SPRED1: variants seen among roughly 807,000 people sequenced by gnomAD.
The protein encoded by SPRED1 is sprouty-related, EVH1 domain-containing protein 1.
Under a neutral mutation model 52.3 loss-of-function variants are expected in SPRED1, and 18 were observed. That is an observed-to-expected ratio of 0.34 (90% CI 0.24 to 0.51). SPRED1 has a LOEUF of 0.51. Among genes scored for constraint, SPRED1 ranks in the 20% least tolerant of loss-of-function variants. SPRED1 has a pLI of 0.97. For synonymous variants in SPRED1, 155 were observed against 179.7 expected (o/e 0.86, Z 1.10); for missense variants, 485 against 551.0 (o/e 0.88, Z 1.20).
chr15:38,275,906 T>A (rs948376029), intron 1 of SPRED1, among the ~76,000 whole-genome samples: 2 of 152,216 alleles, frequency 1.3e-5, no homozygotes, highest in African/African-American at 4.8e-5. Flanking sequence ...AACTTGGACC[T>A]TCTTATTGTG....
At chr15:38,305,457 T>G (rs1595736925) in intron 2 of SPRED1, among the ~76,000 whole-genome samples, 1 of 151,852 alleles carries the variant, frequency 6.6e-6, no homozygotes, top group East Asian at 1.9e-4. Context: ...TGGGAATATG[T>G]AAGTGAACAA....
At chr15:38,281,331 A>G (rs554377753) in intron 1 of SPRED1, among the ~76,000 whole-genome samples, 104 of 152,254 alleles carry the variant, frequency 6.8e-4, no homozygotes, top group African/African-American at 2.2e-3. Flanking sequence ...AAAAGGAGTA[A>G]GTATTGTGTA....
At chr15:38,342,164 C>G (rs1270383373) in intron 5 of SPRED1, among the ~76,000 whole-genome samples, 1 of 147,302 alleles carries the variant, frequency 6.8e-6, no homozygotes, top group East Asian at 2.0e-4. Context: ...TGTTTTTTTT[C>G]CTTCACTTTG....
intron 2 of SPRED1, among the ~76,000 whole-genome samples, chr15:38,302,240 A>C (rs1362213192): frequency 6.6e-6 from 1 of 152,180 alleles, no homozygotes; most frequent in Non-Finnish European, 1.5e-5. Context: ...AATACTGATA[A>C]CAATAGTGAA....
intron 2 of SPRED1, among the ~76,000 whole-genome samples, chr15:38,301,628 G>T (rs1420208524): frequency 1.3e-5 from 2 of 152,162 alleles, no homozygotes; most frequent in African/African-American, 2.4e-5. Flanking sequence ...GCGAAGTCTT[G>T]TGAAATCTCA....
At chr15:38,262,726 T>C (rs1182226358) in intron 1 of SPRED1, among the ~76,000 whole-genome samples, 1 of 152,176 alleles carries the variant, frequency 6.6e-6, no homozygotes, top group Non-Finnish European at 1.5e-5. Context: ...TGGAAATCAG[T>C]TTTTCTTGAA....
intron 1 of SPRED1, among the ~76,000 whole-genome samples, chr15:38,292,744 G>A (rs993965966): frequency 6.6e-6 from 1 of 152,138 alleles, no homozygotes; most frequent in East Asian, 1.9e-4. Context: ...GTTCAGATTT[G>A]GATGGGGGAC....
rs770128164 is a variant in SPRED1, at chr15:38,316,924, G to A, written c.208-5317G>A. 2.6e-5 allele frequency among the ~76,000 whole-genome samples: 4 copies of A among 151,148 alleles called. 1 individual carries two copies. Among genetic ancestry groups the A allele is most frequent in the Non-Finnish European group, 1.5e-5 (1 of 67,650 alleles). The stretch of plus-strand genomic sequence containing the variant: ...AGGGTTATTCGTGTCATATTATTTT[G>A]GCATCATATTCTTTATAGTTATTCT... On this transcript the variant is annotated intron_variant, in intron 2 of 6. Transcript: ENST00000299084.
At chr15:38,291,043 T>TA (rs1414395109) in intron 1 of SPRED1, among the ~76,000 whole-genome samples, 1 of 152,068 alleles carries the variant, frequency 6.6e-6, no homozygotes, top group Non-Finnish European at 1.5e-5. Context: ...TGTGAGCCTG[T>TA]AAAATCAAAA....
intron 1 of SPRED1, among the ~76,000 whole-genome samples, chr15:38,265,073 AG>A (rs1894281116): frequency 6.6e-6 from 1 of 152,226 alleles, no homozygotes; most frequent in South Asian, 2.1e-4. Context: ...TAATGTGGTT[AG>A]AGAAGCCCTT....
intron 1 of SPRED1, among the ~76,000 whole-genome samples, chr15:38,261,869 G>A (rs973468041): frequency 2.6e-5 from 4 of 152,254 alleles, no homozygotes; most frequent in Admixed American, 6.5e-5. Flanking sequence ...TTAGCATCCC[G>A]TGGCAGGATT....
chr15:38,313,795 A>G (rs1895416682), intron 2 of SPRED1, among the ~76,000 whole-genome samples: 1 of 151,776 alleles, frequency 6.6e-6, no homozygotes, highest in Admixed American at 6.6e-5. Flanking sequence ...TAAATTGGAC[A>G]TTGAGTTCAT....
chr15:38,297,277 C>T (rs906459069), intron 1 of SPRED1, among the ~76,000 whole-genome samples: 2 of 152,138 alleles, frequency 1.3e-5, no homozygotes, highest in African/African-American at 4.8e-5. Context: ...AATTGAGTTA[C>T]AGTTTAGGTT....
intron 1 of SPRED1, among the ~76,000 whole-genome samples, chr15:38,275,925 G>A (rs1026394340): frequency 1.3e-5 from 2 of 152,112 alleles, no homozygotes; most frequent in Non-Finnish European, 1.5e-5. Flanking sequence ...TGGAGTCTGG[G>A]TTCTTTCCAC....
chr15:38,312,838 C>G (rs1392398064), intron 2 of SPRED1, among the ~76,000 whole-genome samples: 1 of 151,772 alleles, frequency 6.6e-6, no homozygotes, highest in Non-Finnish European at 1.5e-5. Flanking sequence ...TTTTGTCCCT[C>G]TTTTTCTTCC....
chr15:38,292,818 G>T (rs1894952072), intron 1 of SPRED1, among the ~76,000 whole-genome samples: 1 of 152,272 alleles, frequency 6.6e-6, no homozygotes, highest in Non-Finnish European at 1.5e-5. Flanking sequence ...AGTTCTGAGA[G>T]GGAGCTGTCA....
chr15:38,261,167 G>A (rs78956703), intron 1 of SPRED1, among the ~76,000 whole-genome samples: 6,746 of 152,236 alleles, frequency 0.044, 220 homozygotes, highest in Middle Eastern at 0.12. Context: ...TTTAATCTCT[G>A]CCCATAATAA....
At chr15:38,334,371 G>A (rs1240326942) in intron 4 of SPRED1, among the ~76,000 whole-genome samples, 1 of 151,888 alleles carries the variant, frequency 6.6e-6, no homozygotes, top group Non-Finnish European at 1.5e-5. Context: ...AGTTGTATTG[G>A]TTATGTTCAC....
intron 1 of SPRED1, among the ~76,000 whole-genome samples, chr15:38,273,201 A>G (rs538672218): frequency 6.6e-6 from 1 of 152,332 alleles, no homozygotes; most frequent in Non-Finnish European, 1.5e-5. Context: ...TAATTTTTGT[A>G]TATGGCTGGG....
Sources: allele counts gnomAD v4.1 joint callset (sites outside exome capture counted in the v4.1 genomes callset), GRCh38; gene constraint gnomAD v4.1.1; transcripts MANE v1.5; gene names NCBI Gene and HGNC (gene_info 2026-07-23, HGNC 2026-07-21).